ALDH1A2: variants seen among roughly 807,000 people sequenced by gnomAD.
ALDH1A2 encodes the protein retinal dehydrogenase 2.
In ALDH1A2, 27 loss-of-function variants were observed where a neutral mutation model predicts 60.3. That is an observed-to-expected ratio of 0.45 (90% CI 0.33 to 0.62). ALDH1A2 has a LOEUF of 0.62. Among genes scored for constraint, ALDH1A2 ranks in the 20% least tolerant of loss-of-function variants. The pLI, the probability that ALDH1A2 is intolerant of heterozygous loss-of-function variation, is 0.02. For missense variants in ALDH1A2, 581 were observed against 643.8 expected (o/e 0.90, Z 1.06); for synonymous variants, 289 against 232.4 (o/e 1.24, Z -2.21).
At chr15:58,033,796 C>T (rs6493978) in intron 1 of ALDH1A2, among the ~76,000 whole-genome samples, 68,718 of 148,950 alleles carry the variant, frequency 0.46, 16,246 homozygotes, top group Non-Finnish European at 0.53. Context: ...CAGTTGACTA[C>T]ATTTGTGTGA....
Position 57,954,122 on chromosome 15 carries a change from AG to A in ALDH1A2, c.*1074del, listed in dbSNP as rs2140439471. Reference sequence around the variant, plus strand: ...GAAAAGGAAACCCCTAGGCTTGGCCAGATTTTCCAAGGTCACTGCCAATAGA... The same window carrying A: ...GAAAAGGAAACCCCTAGGCTTGGCCAATTTTCCAAGGTCACTGCCAATAGA... On this transcript the variant is annotated 3_prime_UTR_variant, in exon 13 of 13. Transcript: ENST00000249750. 1 of 152,514 alleles carries A rather than the reference AG, an allele frequency of 6.6e-6. No individual in the cohort carries two copies. Among genetic ancestry groups the A allele is most frequent in the South Asian group, 2.1e-4 (1 of 4,832 alleles). The allele number at this position is 152,514 out of a possible 1,614,324, so 9.4% of individuals were successfully genotyped here. A position where few individuals can be genotyped will look rare whatever the true frequency, so the allele number is the denominator to read the frequency against.
chr15:57,960,637 G>T (rs1033278085), intron 12 of ALDH1A2, 133 bp downstream of exon 12: 13 of 758,932 alleles, frequency 1.7e-5, no homozygotes, highest in Middle Eastern at 2.3e-4. Flanking sequence ...TTAGCTTATA[G>T]TAGCATGTGC....
At chr15:58,002,032 T>A (rs908270916) in intron 4 of ALDH1A2, among the ~76,000 whole-genome samples, 5 of 151,884 alleles carry the variant, frequency 3.3e-5, no homozygotes, top group Admixed American at 1.3e-4. Flanking sequence ...AAACGCAGAC[T>A]AACAGATATT....
intron 1 of ALDH1A2, among the ~76,000 whole-genome samples, chr15:58,030,244 C>G (rs116518016): frequency 6.6e-6 from 1 of 151,952 alleles, no homozygotes; most frequent in Non-Finnish European, 1.5e-5. Context: ...CATATGCAAA[C>G]TGATAAATAT....
chr15:57,995,335 A>G (rs1895021237), intron 4 of ALDH1A2, among the ~76,000 whole-genome samples, 196 bp from the exon 5 acceptor site: 1 of 152,012 alleles, frequency 6.6e-6, no homozygotes, highest in Admixed American at 6.6e-5. Flanking sequence ...TATATCTCTC[A>G]GACACCCAAA....
intron 1 of ALDH1A2, among the ~76,000 whole-genome samples, chr15:58,050,427 T>C (rs1731748009): frequency 6.6e-6 from 1 of 152,034 alleles, no homozygotes; most frequent in South Asian, 2.1e-4. Context: ...AAAATTTCAG[T>C]TTAAGTATGG....
At chr15:57,962,198 G>C (rs763325191) in intron 9 of ALDH1A2, 22 bp from the exon 10 acceptor site, 1 of 1,611,590 alleles carries the variant, frequency 6.2e-7, no homozygotes, top group Admixed American at 1.7e-5. Context: ...AAGACTTAAT[G>C]ACTCCAAATA....
intron 4 of ALDH1A2, among the ~76,000 whole-genome samples, chr15:58,005,155 G>A (rs1895407680): frequency 6.6e-6 from 1 of 151,652 alleles, no homozygotes. Context: ...CTCATACTTT[G>A]TGCCAGCTAC....
At chr15:57,965,593 C>T in intron 8 of ALDH1A2, 132 bp downstream of exon 8, 1 of 791,156 alleles carries the variant, frequency 1.3e-6, no homozygotes, top group Non-Finnish European at 2.2e-6. Flanking sequence ...ACCATTTTCT[C>T]CTTAGAGGAG....
chr15:58,004,719 G>GTGTGTATA (rs58660133), intron 4 of ALDH1A2, among the ~76,000 whole-genome samples: 1 of 112,906 alleles, frequency 8.9e-6, no homozygotes, highest in Non-Finnish European at 1.9e-5. Context: ...GTGTGTGTGT[G>GTGTGTATA]TATATATATA....
At chr15:58,062,822 T>C (rs566286793) in intron 1 of ALDH1A2, among the ~76,000 whole-genome samples, 3 of 152,346 alleles carry the variant, frequency 2.0e-5, no homozygotes, top group East Asian at 3.9e-4. Flanking sequence ...ATAATATGGA[T>C]ACTAGAATTT....
At chr15:58,028,778 C>A (rs1014216569) in intron 1 of ALDH1A2, among the ~76,000 whole-genome samples, 4 of 151,940 alleles carry the variant, frequency 2.6e-5, no homozygotes, top group African/African-American at 9.7e-5. Context: ...GACTTTAAAC[C>A]AACAAAGATC....
rs184914284 is a variant in ALDH1A2 at position 58,040,215 on chromosome 15, G to A, written c.117+25319C>T. Among the ~76,000 whole-genome samples, 31 of 152,026 alleles carry A rather than the reference G, an allele frequency of 2.0e-4. No individual in the cohort carries two copies. The East Asian group carries it at 5.4e-3, about 27-fold the overall frequency. ...AGAACACCTCTCTGCATATTCTGACGAAGTGGCCTTCATCAAAGAAAGCAC... is the reference window on the plus strand; with the variant it reads ...AGAACACCTCTCTGCATATTCTGACAAAGTGGCCTTCATCAAAGAAAGCAC... On this transcript the variant is annotated intron_variant, in intron 1 of 12. Transcript: ENST00000249750.
In ALDH1A2 at chr15:57,958,214, G is replaced by GCGCGCACACACACACA. The variant is rs67551670; in HGVS notation, c.1484+2555_1484+2556insTGTGTGTGTGTGCGCG. On this transcript the variant is annotated intron_variant, in intron 12 of 12. Transcript: ENST00000249750. ...TCTGTATGCATGCGTGTACACGCAC[G>GCGCGCACACACACACA]CACACACACACATAAATTTGACAAG... is the stretch of plus-strand genomic sequence containing the variant. 2.0e-3 allele frequency among the ~76,000 whole-genome samples: 308 copies of GCGCGCACACACACACA among 151,818 alleles called. 2 individuals carry two copies. Among genetic ancestry groups the GCGCGCACACACACACA allele is most frequent in the African/African-American group, 5.7e-3 (238 of 41,438 alleles).
intron 9 of ALDH1A2, 102 bp from the exon 10 acceptor site, chr15:57,962,278 T>A: frequency 1.4e-6 from 2 of 1,403,804 alleles, no homozygotes; most frequent in Non-Finnish European, 2.0e-6. Context: ...TTTCAAAGTT[T>A]AACTACACCC....
At chr15:58,057,950 A>G in intron 1 of ALDH1A2, 1 of 860,234 alleles carries the variant, frequency 1.2e-6, no homozygotes, top group African/African-American at 1.8e-5. Flanking sequence ...TAAATTTTAT[A>G]ATAAAATTAA....
At chr15:57,974,829 C>G (rs544431112) in intron 7 of ALDH1A2, among the ~76,000 whole-genome samples, 2 of 152,250 alleles carry the variant, frequency 1.3e-5, no homozygotes, top group Admixed American at 1.3e-4. Flanking sequence ...TTGCAAAGCA[C>G]AAAGGACTTT....
At chr15:58,039,691 G>T (rs1478105660) in intron 1 of ALDH1A2, among the ~76,000 whole-genome samples, 1 of 151,780 alleles carries the variant, frequency 6.6e-6, no homozygotes, top group Non-Finnish European at 1.5e-5. Flanking sequence ...AGAGAGGAAA[G>T]AAATATTGTC....
intron 1 of ALDH1A2, among the ~76,000 whole-genome samples, chr15:58,038,739 G>T (rs1290229413): frequency 6.6e-6 from 1 of 151,698 alleles, no homozygotes; most frequent in Non-Finnish European, 1.5e-5. Flanking sequence ...TGTGGTAGAA[G>T]GCAATGGGAA....
Sources: allele counts gnomAD v4.1 joint callset (sites outside exome capture counted in the v4.1 genomes callset), GRCh38; gene constraint gnomAD v4.1.1; transcripts MANE v1.5; gene names NCBI Gene and HGNC (gene_info 2026-07-23, HGNC 2026-07-21).